ZNF180: variants seen among roughly 807,000 people sequenced by gnomAD.
ZNF180 encodes zinc finger protein 180.
Under a neutral mutation model 11.8 loss-of-function variants are expected in ZNF180, and 11 were observed. The ratio of observed to expected loss-of-function variants is 0.93; its 90% CI spans 0.59 to 1.55. The LOEUF is 1.55. Ranked by LOEUF, ZNF180 falls within the 40% of genes most tolerant of loss-of-function variation. The pLI is 0.00. For missense variants in ZNF180, 773 were observed against 781.7 expected (o/e 0.99, Z 0.13); for synonymous variants, 287 against 257.7 (o/e 1.11, Z -1.09).
chr19:44,477,847 G>T lies in ZNF180; in HGVS notation c.553C>A (p.Pro185Thr), dbSNP rs760636353. Residue 185 changes from proline (P) to threonine (T), a missense_variant, in exon 5 of 5, where the codon CCC becomes ACC. By Grantham distance (38) the Pro-to-Thr change is conservative. Coordinates refer to ENST00000592529, the MANE Select transcript of ZNF180 (RefSeq NM_001278509.3). ...NSSLFSSPVI[P>T]IRNHFHKHVS... ...TGTTTATGAAAATGGTTTCTTATGG[G>T]TATAACTGGGGATGAAAATAGACTG... is the stretch of plus-strand genomic sequence containing the variant. 1 of 1,613,750 alleles carries T rather than the reference G, an allele frequency of 6.2e-7. No individual in the cohort carries two copies. Among genetic ancestry groups the T allele is most frequent in the Non-Finnish European group, 8.5e-7 (1 of 1,179,988 alleles).
intron 2 of ZNF180, among the ~76,000 whole-genome samples, chr19:44,488,610 G>A (rs1169286763): frequency 1.3e-5 from 2 of 151,966 alleles, no homozygotes; most frequent in African/African-American, 4.8e-5. Flanking sequence ...ATCTCGGCTC[G>A]CTACAACCTC....
In ZNF180 at chr19:44,497,356, G is replaced by C. The variant is rs1481535780; in HGVS notation, c.-22C>G. On this transcript the variant is annotated 5_prime_UTR_variant, in exon 2 of 5. Coordinates refer to ENST00000592529, the MANE Select transcript of ZNF180 (RefSeq NM_001278509.3). Reference sequence around the variant, plus strand: ...CCATGCTCTCCTCCAGGCACAGCAGGGTGCTGAGGTCCTGAGCTGCACTGA... The same window carrying C: ...CCATGCTCTCCTCCAGGCACAGCAGCGTGCTGAGGTCCTGAGCTGCACTGA... The C allele has an allele frequency of 2.5e-6, 4 of 1,596,122 alleles. No homozygotes were observed. Among genetic ancestry groups the C allele is most frequent in the Non-Finnish European group, 3.4e-6 (4 of 1,174,378 alleles).
At chr19:44,497,424 C>A (rs779431413) in intron 1 of ZNF180, 47 bp from the exon 2 acceptor site, 1 of 1,522,896 alleles carries the variant, frequency 6.6e-7, no homozygotes, top group Admixed American at 2.1e-5. Context: ...TCTGCCGGAA[C>A]CGCTGGGCCC....
rs1392561764 is a variant in ZNF180, at chr19:44,476,530, G to A, written c.1870C>T (p.His624Tyr). 2 of 1,614,118 alleles carry A rather than the reference G, an allele frequency of 1.2e-6. No homozygotes were observed. The highest frequency in any genetic ancestry group is 3.3e-5 in the Admixed American group (2 of 60,020). ...TTCTCTCCAGTATGAGTTCTTTGAT[G>A]CACAATAAGTCGAGCACTCAAGCTA... ...TFSLSARLIV[H>Y]QRTHTGEKPF... Residue 624 changes from histidine (H) to tyrosine (Y), a missense_variant, in exon 5 of 5, where the codon CAT (histidine) becomes TAT (tyrosine). Transcript: ENST00000592529.
Position 44,497,396 on chromosome 19 carries a change from A to G in ZNF180, c.-43-19T>C. ...AGCTGCACTGAGAGAAGCCCCAAGTACAGCATGAAGATGTAGGTCTGCCGG... is the reference window on the plus strand; with the variant it reads ...AGCTGCACTGAGAGAAGCCCCAAGTGCAGCATGAAGATGTAGGTCTGCCGG... On this transcript the variant is annotated intron_variant, in intron 1 of 4. Transcript: ENST00000592529. 1 of 1,582,312 alleles carries G rather than the reference A, an allele frequency of 6.3e-7. No homozygotes were observed. Among genetic ancestry groups the G allele is most frequent in the Non-Finnish European group, 8.6e-7 (1 of 1,169,172 alleles).
At chr19:44,483,133 C>T (rs1002057152) in intron 3 of ZNF180, among the ~76,000 whole-genome samples, 1 of 152,196 alleles carries the variant, frequency 6.6e-6, no homozygotes, top group Non-Finnish European at 1.5e-5. Flanking sequence ...ACTCTTGTTC[C>T]TTGAAAGTTT....
Position 44,500,277 on chromosome 19 carries a change from G to A in ZNF180, c.-46C>T. 6.2e-7 allele frequency: 1 copy of A among 1,612,622 alleles called. No homozygotes were observed. The highest frequency in any genetic ancestry group is 1.1e-5 in the South Asian group (1 of 91,054). ...CGCTGCCCCACGCCCCTACCAACCT[G>A]GGCGTCCGCTGGCCCGCAGCCCAGG... On this transcript the variant is annotated splice_region_variant and 5_prime_UTR_variant, in exon 1 of 5. Transcript: ENST00000592529.
intron 3 of ZNF180, among the ~76,000 whole-genome samples, chr19:44,482,800 T>G (rs1350769533): frequency 6.6e-6 from 1 of 152,260 alleles, no homozygotes; most frequent in Non-Finnish European, 1.5e-5. Context: ...AGGGCTCCTG[T>G]GAGAAAACAC....
chr19:44,489,850 A>ATG, intron 2 of ZNF180, among the ~76,000 whole-genome samples: 2 of 122,934 alleles, frequency 1.6e-5, no homozygotes, highest in African/African-American at 5.7e-5. Flanking sequence ...AAGAGATGAG[A>ATG]AGAGAAGAAC....
rs576635273 is a variant in ZNF180, at chr19:44,499,559, A to C, written c.-44+716T>G. On this transcript the variant is annotated intron_variant, in intron 1 of 4. Coordinates refer to ENST00000592529, the MANE Select transcript of ZNF180 (RefSeq NM_001278509.3). ...TACATAGGTCCCTACTATCAGTTCA[A>C]GTTTCTGTTTTCCATTCAGACACCC... Among the ~76,000 whole-genome samples the C allele has an allele frequency of 3.3e-4, 50 of 152,152 alleles. 1 individual carries two copies. The highest frequency in any genetic ancestry group is 1.2e-3 in the African/African-American group (49 of 41,506).
intron 2 of ZNF180, among the ~76,000 whole-genome samples, chr19:44,496,242 C>T (rs988470693): frequency 6.6e-6 from 1 of 151,942 alleles, no homozygotes; most frequent in Non-Finnish European, 1.5e-5. Context: ...TGGTCCTGTA[C>T]TCCTGGCCTC....
rs777986318 is a variant in ZNF180, at chr19:44,479,451, CCTTCCA to C, written c.127-48_127-43del. ...ATTCCTGCTCAGCTGGGCATCATTT[CCTTCCA>C]AAGTTCATGGAGGAGGAAAAGTCTG... is the stretch of plus-strand genomic sequence containing the variant. On this transcript the variant is annotated intron_variant, in intron 3 of 4. Transcript: ENST00000592529. 30 of 1,609,692 alleles carry C rather than the reference CCTTCCA, an allele frequency of 1.9e-5. No individual in the cohort carries two copies. The African/African-American group carries it at 2.4e-4, about 13-fold the overall frequency.
At chr19:44,480,260 C>T (rs929957114) in intron 3 of ZNF180, among the ~76,000 whole-genome samples, 5 of 152,186 alleles carry the variant, frequency 3.3e-5, no homozygotes, top group African/African-American at 7.2e-5. Context: ...TGTGCATCAC[C>T]GTGCTTGGCT....
chr19:44,498,392 C>T (rs1262570248), intron 1 of ZNF180, among the ~76,000 whole-genome samples: 1 of 152,192 alleles, frequency 6.6e-6, no homozygotes, highest in East Asian at 1.9e-4. Context: ...TCTCACGCAG[C>T]ATAGCGTAGG....
chr19:44,487,548 G>C (rs1970261217), intron 2 of ZNF180, among the ~76,000 whole-genome samples: 2 of 152,142 alleles, frequency 1.3e-5, no homozygotes, highest in Admixed American at 6.5e-5. Flanking sequence ...GTCTAAAAAG[G>C]AGAGGAACCC....
At chr19:44,484,557 CAT>C (rs1478075808) in intron 2 of ZNF180, 122 bp from the exon 3 acceptor site, 4 of 698,402 alleles carry the variant, frequency 5.7e-6, no homozygotes, top group African/African-American at 5.2e-5. Flanking sequence ...TCCCTCCCAC[CAT>C]ATTTCTCCTC....
At chr19:44,485,399 C>T (rs1028525794) in intron 2 of ZNF180, among the ~76,000 whole-genome samples, 1 of 152,120 alleles carries the variant, frequency 6.6e-6, no homozygotes, top group Non-Finnish European at 1.5e-5. Context: ...CACATGGATA[C>T]CTCCAATTAC....
chr19:44,488,445 T>C (rs1307326613), intron 2 of ZNF180, among the ~76,000 whole-genome samples: 1 of 152,140 alleles, frequency 6.6e-6, no homozygotes, highest in Non-Finnish European at 1.5e-5. Context: ...TCGTATTTTT[T>C]TGGTGGAGAC....
chr19:44,499,182 G>T (rs996599187), intron 1 of ZNF180, among the ~76,000 whole-genome samples: 2 of 152,218 alleles, frequency 1.3e-5, no homozygotes, highest in Admixed American at 1.3e-4. Flanking sequence ...ACTCGCCAGC[G>T]TGGGGGTTCT....
Sources: allele counts gnomAD v4.1 joint callset (sites outside exome capture counted in the v4.1 genomes callset), GRCh38; gene constraint gnomAD v4.1.1; transcripts MANE v1.5; gene names NCBI Gene and HGNC (gene_info 2026-07-23, HGNC 2026-07-21).